Variants in MTUS2 observed in about 807,000 individuals in gnomAD.
MTUS2 encodes the protein microtubule associated scaffold protein 2.
A neutral mutation model predicts 114.1 loss-of-function variants in MTUS2; 40 were observed. The ratio of observed to expected loss-of-function variants is 0.35; its 90% CI spans 0.27 to 0.46. MTUS2 has a LOEUF of 0.46. Among genes scored for constraint, MTUS2 ranks in the 20% least tolerant of loss-of-function variants. MTUS2 has a pLI of 1.00. For missense variants in MTUS2, 1,679 were observed against 1,705.4 expected (o/e 0.98, Z 0.27); for synonymous variants, 688 against 672.0 (o/e 1.02, Z -0.37).
chr13:29,487,490 C>T (rs1278741174), intron 10 of MTUS2: 1 of 191,946 alleles, frequency 5.2e-6, no homozygotes, highest in Non-Finnish European at 1.1e-5. Flanking sequence ...TATTCGTTCC[C>T]TCCACTTACC....
intron 4 of MTUS2, among the ~76,000 whole-genome samples, chr13:29,080,134 G>T (rs947568949): frequency 1.3e-5 from 2 of 152,144 alleles, no homozygotes; most frequent in Admixed American, 6.5e-5. Context: ...TATACCTGTT[G>T]TAGCTGCTCT....
chr13:29,265,197 T>TC (rs1272982894), intron 5 of MTUS2, among the ~76,000 whole-genome samples: 4 of 152,166 alleles, frequency 2.6e-5, no homozygotes, highest in African/African-American at 9.7e-5. Flanking sequence ...CTTCCACACA[T>TC]CCCTAGGGCA....
intron 8 of MTUS2, among the ~76,000 whole-genome samples, chr13:29,429,969 T>C (rs983317119): frequency 2.6e-5 from 4 of 152,218 alleles, no homozygotes; most frequent in Non-Finnish European, 5.9e-5. Context: ...CTAGTTTTGC[T>C]CTAATAGAAA....
Position 29,304,750 on chromosome 13 carries a change from A to T in MTUS2, c.2807-19863A>T, listed in dbSNP as rs140691354. Among the ~76,000 whole-genome samples the T allele has an allele frequency of 3.8e-3, 580 of 152,296 alleles. 1 individual carries two copies. Among genetic ancestry groups the T allele is most frequent in the African/African-American group, 0.013 (546 of 41,578 alleles). ...TGATCAAGACAGAAAATTAACAAAG[A>T]TGTTCAGGATCTGAACTCAGCCCTG... is the stretch of plus-strand genomic sequence containing the variant. On this transcript the variant is annotated intron_variant, in intron 6 of 15. Transcript: ENST00000612955.
intron 5 of MTUS2, among the ~76,000 whole-genome samples, chr13:29,210,128 C>A (rs534254243): frequency 1.3e-5 from 2 of 151,892 alleles, no homozygotes; most frequent in African/African-American, 2.4e-5. Flanking sequence ...TTTTAAAATT[C>A]TTTTTTCTTT....
chr13:29,453,146 A>T (rs1002911274), intron 9 of MTUS2, among the ~76,000 whole-genome samples: 22 of 152,192 alleles, frequency 1.4e-4, no homozygotes, highest in African/African-American at 4.8e-4. Flanking sequence ...GTAAGATCTA[A>T]ATTGGTGTCT....
chr13:29,444,873 C>A (rs1027445429), intron 9 of MTUS2, among the ~76,000 whole-genome samples: 2 of 152,166 alleles, frequency 1.3e-5, no homozygotes, highest in African/African-American at 4.8e-5. Flanking sequence ...AGAGGATATC[C>A]CCTTCCTTCA....
intron 5 of MTUS2, among the ~76,000 whole-genome samples, chr13:29,205,370 C>T (rs1391870634): frequency 6.6e-6 from 1 of 152,116 alleles, no homozygotes; most frequent in East Asian, 1.9e-4. Context: ...TTGTCTGTCT[C>T]TGAACATTAA....
chr13:29,493,338 G>C (rs1346088758), intron 12 of MTUS2, among the ~76,000 whole-genome samples: 1 of 152,148 alleles, frequency 6.6e-6, no homozygotes, highest in Non-Finnish European at 1.5e-5. Context: ...AGCTGCCTCT[G>C]TGAAAAGACA....
intron 5 of MTUS2, among the ~76,000 whole-genome samples, chr13:29,261,970 T>G (rs1026140675): frequency 2.0e-5 from 3 of 152,250 alleles, no homozygotes; most frequent in African/African-American, 7.2e-5. Context: ...GTCTTTTAAG[T>G]AACTAACCTC....
chr13:29,357,015 G>T (rs1048783060), intron 7 of MTUS2, among the ~76,000 whole-genome samples: 1 of 152,162 alleles, frequency 6.6e-6, no homozygotes, highest in Admixed American at 6.5e-5. Flanking sequence ...CAGAAGAAGA[G>T]GTGAGCTTTT....
chr13:29,250,479 A>G (rs1310434139), intron 5 of MTUS2: 2 of 151,150 alleles, frequency 1.3e-5, no homozygotes, highest in African/African-American at 4.9e-5. Flanking sequence ...GCATTTCATC[A>G]CTCTTGCATG....
intron 8 of MTUS2, among the ~76,000 whole-genome samples, chr13:29,391,210 C>T: frequency 6.6e-6 from 1 of 152,174 alleles, no homozygotes; most frequent in East Asian, 1.9e-4. Flanking sequence ...GTGCCTTAGC[C>T]TCCCAAGTAG....
chr13:28,973,454 C>T (rs1883946528), intron 2 of MTUS2, among the ~76,000 whole-genome samples: 2 of 152,168 alleles, frequency 1.3e-5, no homozygotes, highest in South Asian at 2.1e-4. Context: ...CTGGAAGCTG[C>T]CTCACTAGGG....
intron 2 of MTUS2, among the ~76,000 whole-genome samples, chr13:28,965,443 G>A (rs2138230094): frequency 6.6e-6 from 1 of 152,304 alleles, no homozygotes; most frequent in Non-Finnish European, 1.5e-5. Context: ...TGTAACACTG[G>A]TTATGAGAGA....
intron 8 of MTUS2, among the ~76,000 whole-genome samples, chr13:29,372,360 T>A (rs933876565): frequency 6.6e-6 from 1 of 152,116 alleles, no homozygotes; most frequent in Non-Finnish European, 1.5e-5. Context: ...GTATCTGCAA[T>A]GATAAGCCAA....
At chr13:29,406,272 G>T (rs917179540) in intron 8 of MTUS2, among the ~76,000 whole-genome samples, 33 of 152,198 alleles carry the variant, frequency 2.2e-4, no homozygotes, top group African/African-American at 7.7e-4. Context: ...CTGAGGGTCG[G>T]GTATCTGGGA....
intron 9 of MTUS2, among the ~76,000 whole-genome samples, chr13:29,442,363 A>G (rs1400579824): frequency 6.6e-6 from 1 of 152,222 alleles, no homozygotes; most frequent in Non-Finnish European, 1.5e-5. Flanking sequence ...GAAAAACTGA[A>G]CATAAATGGA....
chr13:29,407,486 A>G (rs1052327766), intron 8 of MTUS2, among the ~76,000 whole-genome samples: 6 of 136,368 alleles, frequency 4.4e-5, no homozygotes, highest in African/African-American at 1.7e-4. Context: ...TTATTTATTT[A>G]TTTATTTTGA....
Sources: allele counts gnomAD v4.1 joint callset (sites outside exome capture counted in the v4.1 genomes callset), GRCh38; gene constraint gnomAD v4.1.1; transcripts MANE v1.5; gene names NCBI Gene and HGNC (gene_info 2026-07-23, HGNC 2026-07-21).